CDC123: variants seen among roughly 807,000 people sequenced by gnomAD.
CDC123 encodes cell division cycle 123.
A neutral mutation model predicts 54.4 loss-of-function variants in CDC123; 37 were observed. The observed-to-expected ratio is 0.68, with a 90% CI of 0.52 to 0.89. CDC123 has a LOEUF of 0.89. Ranked by LOEUF, CDC123 falls within the 40% of genes least tolerant of loss-of-function variation. CDC123 has a pLI of 0.00. For missense variants in CDC123, 361 were observed against 412.1 expected (o/e 0.88, Z 1.07); for synonymous variants, 144 against 136.8 (o/e 1.05, Z -0.37).
Position 12,196,331 on chromosome 10 carries a change from G to C in CDC123, c.74+12G>C. ...GTTACCATCAAGAGGTGAGATGGGA[G>C]GGGGTTCGCCCGGTCGACCGGCAAA... On this transcript the variant is annotated intron_variant, in intron 1 of 12. Transcript: ENST00000281141. The C allele has an allele frequency of 6.3e-7, 1 of 1,581,658 alleles. No homozygotes were observed. Among genetic ancestry groups the C allele is most frequent in the Non-Finnish European group, 8.6e-7 (1 of 1,161,220 alleles).
rs773440487 is a variant in CDC123, at chr10:12,217,426, T to C, written c.399T>C (p.Leu133=). 7 of 1,614,128 alleles carry C rather than the reference T, an allele frequency of 4.3e-6. No individual in the cohort carries two copies. The highest frequency in any genetic ancestry group is 5.9e-6 in the Non-Finnish European group (7 of 1,179,982). The change falls in exon 6 of 13, where the codon CTT becomes CTC. Residue 133 remains leucine (L), a synonymous_variant. Transcript: ENST00000281141. ...AAACCCTCAGCGACATCTTTCTGCT[T>C]TTCAAGAGTTCCGATTTCATCACTC... ...KCKTLSDIFL[L]FKSSDFITRD...
At chr10:12,198,027 T>TAGATC (rs1835389506) in intron 1 of CDC123, among the ~76,000 whole-genome samples, 2 of 152,206 alleles carry the variant, frequency 1.3e-5, no homozygotes, top group African/African-American at 4.8e-5. Context: ...CTTAGGGATC[T>TAGATC]GTGGTAGGGC....
At chr10:12,213,065 T>C (rs1326614610) in intron 4 of CDC123, among the ~76,000 whole-genome samples, 1 of 152,196 alleles carries the variant, frequency 6.6e-6, no homozygotes, top group Non-Finnish European at 1.5e-5. Context: ...GTAGGAATGA[T>C]GGAATTAGGA....
At chr10:12,236,845 C>T (rs527675168) in intron 8 of CDC123, among the ~76,000 whole-genome samples, 36 of 151,608 alleles carry the variant, frequency 2.4e-4, no homozygotes, top group African/African-American at 7.8e-4. Context: ...GAGCCGAGAT[C>T]GTGCCACTGC....
At chr10:12,221,370 T>C (rs930651438) in intron 6 of CDC123, among the ~76,000 whole-genome samples, 8 of 152,334 alleles carry the variant, frequency 5.3e-5, no homozygotes, top group Admixed American at 3.3e-4. Flanking sequence ...AGATTGCTGC[T>C]ACAGTTCCAA....
intron 6 of CDC123, among the ~76,000 whole-genome samples, chr10:12,229,622 G>GT (rs1467661697): frequency 6.6e-6 from 1 of 152,192 alleles, no homozygotes; most frequent in Non-Finnish European, 1.5e-5. Flanking sequence ...TTTTTCTCTA[G>GT]TGTTTTTAAA....
intron 11 of CDC123, chr10:12,246,578 G>A: frequency 4.3e-6 from 1 of 231,406 alleles, no homozygotes; most frequent in East Asian, 1.0e-4. Context: ...TGTTCCTTCT[G>A]ACCCCAGCCC....
intron 10 of CDC123, among the ~76,000 whole-genome samples, chr10:12,240,785 G>T (rs370959231): frequency 6.6e-6 from 1 of 152,128 alleles, no homozygotes; most frequent in Non-Finnish European, 1.5e-5. Flanking sequence ...TGGGAGGATC[G>T]CTTGAGACTG....
chr10:12,206,936 G>A (rs1835530547), intron 2 of CDC123, among the ~76,000 whole-genome samples: 1 of 140,962 alleles, frequency 7.1e-6, no homozygotes, highest in Non-Finnish European at 1.5e-5. Context: ...TCCAGCGTGG[G>A]CAACAGAGCG....
intron 6 of CDC123, among the ~76,000 whole-genome samples, chr10:12,224,956 C>G (rs542066824): frequency 6.6e-6 from 1 of 152,202 alleles, no homozygotes; most frequent in South Asian, 2.1e-4. Flanking sequence ...TTTGATGCTT[C>G]CTTCCTTTTC....
In CDC123 at chr10:12,238,347, G is replaced by C. The variant is rs144785906; in HGVS notation, c.689-110G>C. The C allele has an allele frequency of 5.9e-4, 732 of 1,232,020 alleles. 1 individual carries two copies. Among genetic ancestry groups the C allele is most frequent in the African/African-American group, 4.1e-3 (261 of 64,322 alleles). 76.3% of individuals were successfully genotyped at this position (1,232,020 alleles called of 1,614,324 possible). On this transcript the variant is annotated intron_variant, in intron 9 of 12. Coordinates refer to ENST00000281141, the MANE Select transcript of CDC123 (RefSeq NM_006023.3). ...AGGTTTAGAAGCATGAAGTCCTCAG[G>C]GTCATTTATATTCTGCTGTCTTTGA...
intron 6 of CDC123, among the ~76,000 whole-genome samples, chr10:12,218,840 G>A (rs532862561): frequency 3.9e-5 from 6 of 152,280 alleles, no homozygotes; most frequent in African/African-American, 9.6e-5. Context: ...GTAGGTGGAC[G>A]GAATACCTGC....
At chr10:12,231,908 C>T (rs1033759390) in intron 7 of CDC123, among the ~76,000 whole-genome samples, 6 of 151,876 alleles carry the variant, frequency 4.0e-5, no homozygotes, top group East Asian at 3.9e-4. Context: ...TGCAGTGGCG[C>T]GATCTCAGCT....
At chr10:12,208,202 A>T (rs1029443366) in intron 2 of CDC123, among the ~76,000 whole-genome samples, 1 of 152,112 alleles carries the variant, frequency 6.6e-6, no homozygotes, top group South Asian at 2.1e-4. Flanking sequence ...CATAGCTGCT[A>T]TGCTAGTTTT....
intron 7 of CDC123, 89 bp from the exon 8 acceptor site, chr10:12,234,959 A>G (rs920038435): frequency 1.0e-5 from 9 of 869,524 alleles, no homozygotes; most frequent in South Asian, 3.0e-5. Flanking sequence ...GATAATGGCA[A>G]TCATTAAGAT....
rs1013855071 is a variant in CDC123 at position 12,237,560 on chromosome 10, A to G, written c.688+294A>G. 3.0e-5 allele frequency: 5 copies of G among 165,152 alleles called. No homozygotes were observed. The East Asian group carries it at 8.4e-4, about 28-fold the overall frequency. The allele number at this position is 165,152 out of a possible 1,614,324, so 10.2% of individuals were successfully genotyped here. A position where few individuals can be genotyped will look rare whatever the true frequency, so the allele number is the denominator to read the frequency against. ...GTGATTCTCCTGCCTCAGCCTCCCA[A>G]GTAGCTGGGGCTACAGGTGCACGTC... is the stretch of plus-strand genomic sequence containing the variant. On this transcript the variant is annotated intron_variant, in intron 9 of 12. Coordinates refer to ENST00000281141, the MANE Select transcript of CDC123 (RefSeq NM_006023.3).
At chr10:12,207,837 G>A (rs950281445) in intron 2 of CDC123, among the ~76,000 whole-genome samples, 3 of 152,160 alleles carry the variant, frequency 2.0e-5, no homozygotes, top group Non-Finnish European at 1.5e-5. Context: ...ACCCTCTTGA[G>A]TTCATTTTTT....
intron 6 of CDC123, among the ~76,000 whole-genome samples, chr10:12,229,804 A>G (rs1331892304): frequency 6.6e-6 from 1 of 152,254 alleles, no homozygotes; most frequent in African/African-American, 2.4e-5. Context: ...AGGAAGCAGT[A>G]TACTTAATGG....
intron 5 of CDC123, among the ~76,000 whole-genome samples, chr10:12,216,581 A>G (rs1460619421): frequency 6.6e-6 from 1 of 152,150 alleles, no homozygotes; most frequent in Admixed American, 6.5e-5. Flanking sequence ...CTTGACACCT[A>G]TTTTACTTCA....
Sources: allele counts gnomAD v4.1 joint callset (sites outside exome capture counted in the v4.1 genomes callset), GRCh38; gene constraint gnomAD v4.1.1; transcripts MANE v1.5; gene names NCBI Gene and HGNC (gene_info 2026-07-23, HGNC 2026-07-21).